ART3: variants seen among roughly 807,000 people sequenced by gnomAD.
The protein encoded by ART3 is ADP-ribosyltransferase 3 (inactive), also known as ecto-ADP-ribosyltransferase 3.
Under a neutral mutation model 48.5 loss-of-function variants are expected in ART3, and 49 were observed. The observed-to-expected ratio is 1.01, with a 90% CI of 0.80 to 1.28. The LOEUF (loss-of-function observed/expected upper bound fraction) is 1.28, where lower values mean the gene tolerates loss of function less well. Ranked by LOEUF, ART3 falls within the 50% of genes most tolerant of loss-of-function variation. ART3 has a pLI of 0.00. For missense variants in ART3, 438 were observed against 454.3 expected, an observed-to-expected ratio of 0.96 and a Z score of 0.33; for synonymous variants, 145 against 157.2, an observed-to-expected ratio of 0.92 and a Z score of 0.58.
chr4:76,023,104 G>T (rs748956231), intron 1 of ART3, among the ~76,000 whole-genome samples: 17 of 151,992 alleles, frequency 1.1e-4, no homozygotes, highest in Non-Finnish European at 2.1e-4. Flanking sequence ...ATCTCTGTCC[G>T]CATTCCCTCA....
chr4:76,045,372 C>T (rs537155473), intron 1 of ART3, among the ~76,000 whole-genome samples: 7 of 152,068 alleles, frequency 4.6e-5, no homozygotes, highest in Admixed American at 2.6e-4. Context: ...ATCTAAGAGG[C>T]GGTTGTCTGA....
chr4:76,095,372 G>C (rs774926874), intron 3 of ART3, among the ~76,000 whole-genome samples: 1 of 152,174 alleles, frequency 6.6e-6, no homozygotes, highest in Non-Finnish European at 1.5e-5. Context: ...GCTGGATGTG[G>C]TGGTGGGTGC....
At chr4:76,044,309 C>A (rs12647111) in intron 1 of ART3, among the ~76,000 whole-genome samples, 93,610 of 151,770 alleles carry the variant, frequency 0.62, 30,223 homozygotes, top group East Asian at 0.94. Context: ...GTGTGAAAAC[C>A]ACATTCTTCC....
chr4:76,075,080 T>C (rs1015205965), intron 1 of ART3, among the ~76,000 whole-genome samples: 6 of 152,304 alleles, frequency 3.9e-5, no homozygotes, highest in Non-Finnish European at 7.3e-5. Context: ...GGAAGACTTC[T>C]CCCTTCCCCT....
chr4:76,104,185 A>G (rs542645545), intron 9 of ART3, among the ~76,000 whole-genome samples: 1 of 152,314 alleles, frequency 6.6e-6, no homozygotes, highest in East Asian at 1.9e-4. Context: ...GGGGCAGGAA[A>G]GTTAGTTCTG....
At chr4:76,024,524 GATTATTCA>G (rs1346791761) in intron 1 of ART3, among the ~76,000 whole-genome samples, 3 of 152,198 alleles carry the variant, frequency 2.0e-5, no homozygotes, top group Non-Finnish European at 4.4e-5. Flanking sequence ...GTACTTGACT[GATTATTCA>G]TAGTAGCTAG....
chr4:76,102,237 T>C (rs1286052987), intron 8 of ART3, among the ~76,000 whole-genome samples: 1 of 152,234 alleles, frequency 6.6e-6, no homozygotes, highest in Non-Finnish European at 1.5e-5. Context: ...CTACCTTTTT[T>C]GTGTGTAAGG....
At chr4:76,098,334 C>T (rs1351635633) in intron 4 of ART3, among the ~76,000 whole-genome samples, 1 of 151,986 alleles carries the variant, frequency 6.6e-6, no homozygotes, top group African/African-American at 2.4e-5. Flanking sequence ...ACCAAAAATG[C>T]CTTTGGATTA....
At chr4:76,085,381 T>C (rs1369139961) in intron 3 of ART3, among the ~76,000 whole-genome samples, 1 of 152,116 alleles carries the variant, frequency 6.6e-6, no homozygotes, top group Non-Finnish European at 1.5e-5. Context: ...GATCCACTTA[T>C]GATTGGATGG....
At chr4:76,036,230 A>G in intron 1 of ART3, 1 of 433,948 alleles carries the variant, frequency 2.3e-6, no homozygotes, top group Non-Finnish European at 4.1e-6. Context: ...TATTTGCAGT[A>G]GTGTTGAAAG....
intron 3 of ART3, among the ~76,000 whole-genome samples, chr4:76,093,277 A>T (rs1346404071): frequency 1.3e-5 from 2 of 152,192 alleles, no homozygotes; most frequent in South Asian, 2.1e-4. Flanking sequence ...AAATAAAAAA[A>T]GTATCCAGGC....
intron 1 of ART3, among the ~76,000 whole-genome samples, chr4:76,045,156 A>G (rs1195432580): frequency 6.6e-6 from 1 of 151,986 alleles, no homozygotes; most frequent in Non-Finnish European, 1.5e-5. Context: ...CATTCTTCAC[A>G]AATGAACTTC....
intron 3 of ART3, among the ~76,000 whole-genome samples, chr4:76,093,693 G>T (rs760682112): frequency 6.6e-6 from 1 of 152,082 alleles, no homozygotes. Context: ...TTTAAGAAGG[G>T]TATTATTCTG....
rs1722650796 is a variant in ART3, at chr4:76,082,252, G to C, written c.498G>C (p.Gln166His). ...SSKTVVYRTSQGTSFTFGGLN... is the reference protein window; with the variant it reads ...SSKTVVYRTSHGTSFTFGGLN... Reference sequence around the variant, plus strand: ...AAACTGTGGTATATAGAACAAGCCAGGGCACTTCATTTACATTTGGAGGGC... The same window carrying C: ...AAACTGTGGTATATAGAACAAGCCACGGCACTTCATTTACATTTGGAGGGC... Residue 166 changes from glutamine to histidine, a missense_variant, in exon 3 of 12, where the codon CAG becomes CAC. Around this residue, in one of 3 missense-constraint regions of ART3, gnomAD observed 206 missense variants for 205.3 expected, o/e 1.00. Transcript: ENST00000355810. 5 of 1,614,062 alleles carry C rather than the reference G, an allele frequency of 3.1e-6. No individual in the cohort carries two copies. Among genetic ancestry groups the C allele is most frequent in the Middle Eastern group, 1.6e-4 (1 of 6,084 alleles).
exon 1 of ART3, chr4:76,011,215 C>T (rs141537373): frequency 1.2e-4 from 19 of 152,646 alleles, no homozygotes; most frequent in African/African-American, 4.3e-4. Flanking sequence ...GGAGGTTATA[C>T]CCGGAGGTCT....
intron 1 of ART3, among the ~76,000 whole-genome samples, chr4:76,039,407 A>G (rs1387561647): frequency 6.6e-6 from 1 of 152,236 alleles, no homozygotes; most frequent in Non-Finnish European, 1.5e-5. Flanking sequence ...AGCACTCAAA[A>G]TGTATTAACT....
intron 8 of ART3, among the ~76,000 whole-genome samples, chr4:76,101,708 C>T (rs754216295): frequency 2.0e-5 from 3 of 152,080 alleles, no homozygotes; most frequent in Non-Finnish European, 2.9e-5. Context: ...GCCGAGATCG[C>T]GCCACTGCAC....
intron 1 of ART3, chr4:76,021,935 G>A (rs776817135): frequency 1.2e-6 from 2 of 1,611,864 alleles, no homozygotes; most frequent in Non-Finnish European, 1.7e-6. Context: ...TGGTTTTAAG[G>A]AGATCTTTTA....
chr4:76,100,588 G>A (rs1041298921), intron 6 of ART3, among the ~76,000 whole-genome samples: 3 of 143,184 alleles, frequency 2.1e-5, no homozygotes, highest in Non-Finnish European at 4.5e-5. Flanking sequence ...CTGAGATCGT[G>A]CCACAGCACT....
Sources: allele counts gnomAD v4.1 joint callset (sites outside exome capture counted in the v4.1 genomes callset), GRCh38; gene constraint gnomAD v4.1.1; regional missense constraint gnomAD v4.1.1; transcripts MANE v1.5; gene names NCBI Gene and HGNC (gene_info 2026-07-23, HGNC 2026-07-21).